Variants in SRGAP1 observed in about 807,000 individuals in gnomAD.
SRGAP1 encodes SLIT-ROBO Rho GTPase activating protein 1.
Under a neutral mutation model 121.9 loss-of-function variants are expected in SRGAP1, and 43 were observed. The ratio of observed to expected loss-of-function variants is 0.35; its 90% CI spans 0.28 to 0.46. SRGAP1 has a LOEUF of 0.46. SRGAP1 is among the 20% of genes least tolerant of loss of function. SRGAP1 has a pLI of 1.00. For missense variants in SRGAP1, 1,102 were observed against 1,350.9 expected, an observed-to-expected ratio of 0.82 and a Z score of 2.89; for synonymous variants, 447 against 485.4, an observed-to-expected ratio of 0.92 and a Z score of 1.04.
At position 63,984,080 on chromosome 12, in the gene SRGAP1, A is replaced by G. The variant is rs116440206; in HGVS notation, c.201A>G (p.Leu67=). 4.8e-5 allele frequency: 74 copies of G among 1,539,396 alleles called. No homozygotes were observed. The African/African-American group carries it at 9.2e-4, about 19-fold the overall frequency. ...AEIETEYSRN[L]EKLAERFMAK... Reference sequence around the variant, plus strand: ...TTGAGACGGAATATTCCCGGAATCTAGAGAAGTTAGCAGAAAGGTTCATGG... The same window carrying G: ...TTGAGACGGAATATTCCCGGAATCTGGAGAAGTTAGCAGAAAGGTTCATGG... The change falls in exon 2 of 22, where the codon CTA becomes CTG. Residue 67 remains leucine (L), a synonymous_variant. Transcript: ENST00000355086.
intron 1 of SRGAP1, among the ~76,000 whole-genome samples, chr12:63,854,609 A>G (rs1899178391): frequency 6.6e-6 from 1 of 152,162 alleles, no homozygotes; most frequent in Non-Finnish European, 1.5e-5. Flanking sequence ...AATTAATAAT[A>G]TGTATTCTTA....
rs1490713223 is a variant in SRGAP1, at chr12:64,145,276, T to G, written c.*2604T>G. On this transcript the variant is annotated 3_prime_UTR_variant, in exon 22 of 22. Coordinates refer to ENST00000355086, the MANE Select transcript of SRGAP1 (RefSeq NM_020762.4). Reference sequence around the variant, plus strand: ...TCAATGTCTTTTCTGAGCTTCAGCCTTAGCTTTTCAGATCTTCCTCCTACC... The same window carrying G: ...TCAATGTCTTTTCTGAGCTTCAGCCGTAGCTTTTCAGATCTTCCTCCTACC... 6.6e-6 allele frequency: 1 copy of G among 152,354 alleles called. No individual in the cohort carries two copies. Among genetic ancestry groups the G allele is most frequent in the East Asian group, 1.9e-4 (1 of 5,200 alleles). The allele number at this position is 152,354 out of a possible 1,614,324, so 9.4% of individuals were successfully genotyped here. A position where few individuals can be genotyped will look rare whatever the true frequency, so the allele number is the denominator to read the frequency against.
chr12:64,110,734 A>T (rs114946209), intron 16 of SRGAP1, among the ~76,000 whole-genome samples: 2,056 of 152,240 alleles, frequency 0.014, 46 homozygotes, highest in African/African-American at 0.047. Context: ...GTGATTTTTT[A>T]AAAAATATTG....
chr12:63,927,824 TGGGAACCCTTG>T (rs1369208625), intron 1 of SRGAP1, among the ~76,000 whole-genome samples: 1 of 151,428 alleles, frequency 6.6e-6, no homozygotes, highest in African/African-American at 2.5e-5. Context: ...TTGAGGGAAC[TGGGAACCCTTG>T]AGAACAGCTA....
chr12:64,023,834 A>G (rs2034600381), intron 4 of SRGAP1, among the ~76,000 whole-genome samples: 1 of 152,194 alleles, frequency 6.6e-6, no homozygotes, highest in African/African-American at 2.4e-5. Context: ...GCCTAATCTC[A>G]GGCTTACATG....
At chr12:64,043,744 T>G (rs890329241) in intron 6 of SRGAP1, 169 bp downstream of exon 6, 5 of 491,890 alleles carry the variant, frequency 1.0e-5, no homozygotes, top group Non-Finnish European at 1.7e-5. Context: ...CACTATCATC[T>G]GTAAGATGCA....
chr12:64,002,610 C>T lies in SRGAP1; in HGVS notation c.426+12538C>T, dbSNP rs527607264. Among the ~76,000 whole-genome samples, 8 of 152,240 alleles carry T rather than the reference C, an allele frequency of 5.3e-5. No individual in the cohort carries two copies. In the East Asian group the frequency reaches 1.5e-3, roughly 29 times the overall value. ...AAGCTACACATGAATGGGACTAATC[C>T]TAGACAGAAACCTACCAAAGACTTC... On this transcript the variant is annotated intron_variant, in intron 3 of 21. Transcript: ENST00000355086.
intron 1 of SRGAP1, among the ~76,000 whole-genome samples, chr12:63,960,508 C>T (rs530614610): frequency 4.6e-5 from 7 of 152,218 alleles, no homozygotes; most frequent in African/African-American, 1.4e-4. Flanking sequence ...TGATGAAAAT[C>T]CTTCTCTGGC....
rs747360108 is a variant in SRGAP1, at chr12:64,142,704, G to T, written c.*32G>T. 2 of 1,567,982 alleles carry T rather than the reference G, an allele frequency of 1.3e-6. No homozygotes were observed. The highest frequency in any genetic ancestry group is 1.2e-5 in the South Asian group (1 of 85,868). On this transcript the variant is annotated 3_prime_UTR_variant, in exon 22 of 22. Transcript: ENST00000355086. ...GCCAAGCAAGGCCATAAAGGGAGGTGACTTAAAAAAGAAAATGGATTAGTG... is the reference window on the plus strand; with the variant it reads ...GCCAAGCAAGGCCATAAAGGGAGGTTACTTAAAAAAGAAAATGGATTAGTG...
chr12:63,954,284 A>G (rs550528097), intron 1 of SRGAP1, among the ~76,000 whole-genome samples: 34 of 152,328 alleles, frequency 2.2e-4, no homozygotes, highest in African/African-American at 7.5e-4. Flanking sequence ...TTTTGTTTAC[A>G]TATTTCCTTT....
Position 64,032,278 on chromosome 12 carries a change from C to T in SRGAP1, c.490-10512C>T, listed in dbSNP as rs754089214. ...ACCAGCTCCTTCCCACTGCAAAGGGCCTAAACTTGCCGAGGTTCCATCCCA... is the reference window on the plus strand; with the variant it reads ...ACCAGCTCCTTCCCACTGCAAAGGGTCTAAACTTGCCGAGGTTCCATCCCA... On this transcript the variant is annotated intron_variant, in intron 4 of 21. Transcript: ENST00000355086. 3 of 299,344 alleles carry T rather than the reference C, an allele frequency of 1.0e-5. No individual in the cohort carries two copies. In the East Asian group the frequency reaches 2.3e-4, roughly 23 times the overall value. 18.5% of individuals were successfully genotyped at this position (299,344 alleles called of 1,614,324 possible).
chr12:63,844,899 G>T lies in SRGAP1; in HGVS notation c.67+16G>T. ...CAAGTCAAAGGTAAGGATGGGAGCG[G>T]CTGCCTTGCTCCTTTTGTGTGCCTT... On this transcript the variant is annotated intron_variant, in intron 1 of 21. Transcript: ENST00000355086. The surrounding 1 kb of genome is among the most constrained non-coding windows in gnomAD (Gnocchi z 4.3). The T allele has an allele frequency of 6.2e-7, 1 of 1,612,046 alleles. No homozygotes were observed. Among genetic ancestry groups the T allele is most frequent in the Non-Finnish European group, 8.5e-7 (1 of 1,178,086 alleles).
At chr12:63,913,729 T>C (rs2030656703) in intron 1 of SRGAP1, among the ~76,000 whole-genome samples, 1 of 151,828 alleles carries the variant, frequency 6.6e-6, no homozygotes, top group South Asian at 2.1e-4. Context: ...CAATGTGTGT[T>C]ACCCGTCGTC....
At chr12:63,988,407 T>C (rs146104959) in intron 2 of SRGAP1, among the ~76,000 whole-genome samples, 65 of 152,264 alleles carry the variant, frequency 4.3e-4, no homozygotes, top group African/African-American at 1.5e-3. Flanking sequence ...CTTTGCCTGA[T>C]GGTGTTAAGA....
chr12:63,948,021 CT>C (rs1015857827), intron 1 of SRGAP1, among the ~76,000 whole-genome samples: 23 of 151,938 alleles, frequency 1.5e-4, no homozygotes, highest in Non-Finnish European at 2.8e-4. Context: ...TGTCAAATGA[CT>C]TTTTTTTCAT....
intron 3 of SRGAP1, among the ~76,000 whole-genome samples, chr12:64,012,269 G>A (rs1382989425): frequency 6.6e-6 from 1 of 152,074 alleles, no homozygotes; most frequent in Non-Finnish European, 1.5e-5. Context: ...ATTAAACTCT[G>A]GGTTTATACA....
intron 21 of SRGAP1, among the ~76,000 whole-genome samples, chr12:64,132,900 G>T (rs993865114): frequency 6.6e-6 from 1 of 152,262 alleles, no homozygotes; most frequent in African/African-American, 2.4e-5. Context: ...ATTACTTCTG[G>T]TGGGCCTTAT....
At chr12:64,002,636 G>A (rs1310319943) in intron 3 of SRGAP1, among the ~76,000 whole-genome samples, 2 of 152,152 alleles carry the variant, frequency 1.3e-5, no homozygotes, top group Non-Finnish European at 2.9e-5. Flanking sequence ...CAAAGACTTC[G>A]AGAATTGAAC....
chr12:63,996,801 G>T (rs1341332086), intron 3 of SRGAP1, among the ~76,000 whole-genome samples: 1 of 152,036 alleles, frequency 6.6e-6, no homozygotes, highest in Non-Finnish European at 1.5e-5. Flanking sequence ...AGCTAACACT[G>T]CTAGCTGGTT....
Sources: allele counts gnomAD v4.1 joint callset (sites outside exome capture counted in the v4.1 genomes callset), GRCh38; gene constraint gnomAD v4.1.1; non-coding constraint Gnocchi (gnomAD v3.1); transcripts MANE v1.5; gene names NCBI Gene and HGNC (gene_info 2026-07-23, HGNC 2026-07-21).